SPPL2C: variants seen among roughly 807,000 people sequenced by gnomAD.
SPPL2C encodes signal peptide peptidase like 2C.
SPPL2C carries 33 observed loss-of-function variants against 38.8 expected under a neutral mutation model. That is an observed-to-expected ratio of 0.85 (90% CI 0.64 to 1.14). The LOEUF is 1.14. Ranked by LOEUF, SPPL2C falls within the 50% of genes most tolerant of loss-of-function variation. The probability of loss-of-function intolerance (pLI) is 0.00; values close to 1 mark genes in which losing one functional copy is unlikely to be tolerated. For synonymous variants in SPPL2C, 384 were observed against 390.7 expected, an observed-to-expected ratio of 0.98 and a Z score of 0.20; for missense variants, 899 against 904.4, an observed-to-expected ratio of 0.99 and a Z score of 0.08.
Position 45,846,811 on chromosome 17 carries a change from C to T in SPPL2C, c.1905C>T (p.Ile635=). 6.2e-7 allele frequency: 1 copy of T among 1,614,072 alleles called. No individual in the cohort carries two copies. Among genetic ancestry groups the T allele is most frequent in the Non-Finnish European group, 8.5e-7 (1 of 1,179,998 alleles). ...LMPLMPMAML[I]PLMPLMPPPS... is the part of the protein sequence containing the mutation. ...CACTGATGCCAATGGCCATGCTGAT[C>T]CCACTCATGCCCCTGATGCCCCCGC... The change falls in exon 1 of 1, where the codon ATC becomes ATT. Residue 635 remains isoleucine (I), a synonymous_variant. Transcript: ENST00000329196.
rs1429993625 is a variant in SPPL2C at position 45,846,257 on chromosome 17, G to T, written c.1351G>T (p.Val451Phe). Reference protein sequence around the residue: ...FSILGFGDIVVPGFLVAYCCR... With the variant: ...FSILGFGDIVFPGFLVAYCCR... The stretch of plus-strand genomic sequence containing the variant: ...CATCCTTGGCTTCGGTGACATTGTG[G>T]TCCCCGGCTTCCTGGTTGCTTACTG... Residue 451 changes from valine (V) to phenylalanine (F), a missense_variant, in exon 1 of 1, where the codon GTC (valine) becomes TTC (phenylalanine). Transcript: ENST00000329196. The T allele has an allele frequency of 6.2e-7, 1 of 1,613,996 alleles. No individual in the cohort carries two copies. Among genetic ancestry groups the T allele is most frequent in the Admixed American group, 1.7e-5 (1 of 60,002 alleles).
At position 45,846,938 on chromosome 17, in the gene SPPL2C, A is replaced by G. The variant is rs1208447455; in HGVS notation, c.2032A>G (p.Met678Val). The G allele has an allele frequency of 5.1e-6, 8 of 1,570,626 alleles. No individual in the cohort carries two copies. The highest frequency in any genetic ancestry group is 6.0e-6 in the Non-Finnish European group (7 of 1,159,806). ...KRKGLKVRKSMSTQAPL is the reference protein window; with the variant it reads ...KRKGLKVRKSVSTQAPL Reference sequence around the variant, plus strand: ...GAAGGGTTTGAAAGTAAGAAAGAGCATGTCGACCCAGGCTCCCTTGTGAAC... The same window carrying G: ...GAAGGGTTTGAAAGTAAGAAAGAGCGTGTCGACCCAGGCTCCCTTGTGAAC... The change falls in exon 1 of 1, where the codon ATG (methionine) becomes GTG (valine). Residue 678 changes from methionine to valine, a missense_variant. Transcript: ENST00000329196.
rs1446125807 is a variant in SPPL2C, at chr17:45,846,881, A to G, written c.1975A>G (p.Thr659Ala). 6.2e-7 allele frequency: 1 copy of G among 1,610,826 alleles called. No homozygotes were observed. The highest frequency in any genetic ancestry group is 2.2e-5 in the East Asian group (1 of 44,790). Residue 659 changes from threonine (T) to alanine (A), a missense_variant, in exon 1 of 1, where the codon ACT (threonine) becomes GCT (alanine). Physicochemically the swap from Thr to Ala is moderately conservative, Grantham distance 58. Transcript: ENST00000329196. ...HVHAQAQAHETGLPWAGLHKR... is the reference protein window; with the variant it reads ...HVHAQAQAHEAGLPWAGLHKR... Reference sequence around the variant, plus strand: ...CCATGCCCAGGCCCAGGCCCACGAGACTGGCCTGCCCTGGGCGGGACTCCA... The same window carrying G: ...CCATGCCCAGGCCCAGGCCCACGAGGCTGGCCTGCCCTGGGCGGGACTCCA...
rs747212698 is a variant in SPPL2C, at chr17:45,845,228, TGGCTGGCTCAG to T, written c.326_336del (p.Leu109ProfsTer14). ...TAACTGCAGCTTCCACACGAAAGGC[TGGCTGGCTCAG>T]GGCCAAGGTGCCCACGGGCTGCTCA... is the stretch of plus-strand genomic sequence containing the variant. On this transcript the variant is annotated frameshift_variant, in exon 1 of 1. Coordinates refer to ENST00000329196, the MANE Select transcript of SPPL2C (RefSeq NM_175882.3). LOFTEE classifies it high-confidence loss of function. The T allele has an allele frequency of 3.1e-6, 5 of 1,613,832 alleles. No homozygotes were observed. The South Asian group carries it at 4.4e-5, about 14-fold the overall frequency.
Position 45,845,920 on chromosome 17 carries a change from G to T in SPPL2C, c.1014G>T (p.Trp338Cys). The change falls in exon 1 of 1, where the codon TGG becomes TGT. Residue 338 changes from tryptophan (W) to cysteine (C), a missense_variant. Coordinates refer to ENST00000329196, the MANE Select transcript of SPPL2C (RefSeq NM_175882.3). Reference protein sequence around the residue: ...ASLCATVIIFWVAYRNEDRWA... With the variant: ...ASLCATVIIFCVAYRNEDRWA... Reference sequence around the variant, plus strand: ...TGTGCGCAACCGTGATCATCTTCTGGGTGGCCTACCGCAATGAGGACCGCT... The same window carrying T: ...TGTGCGCAACCGTGATCATCTTCTGTGTGGCCTACCGCAATGAGGACCGCT... 1 of 1,607,944 alleles carries T rather than the reference G, an allele frequency of 6.2e-7. No individual in the cohort carries two copies. The highest frequency in any genetic ancestry group is 8.5e-7 in the Non-Finnish European group (1 of 1,179,996).
chr17:45,845,977 T>C lies in SPPL2C; in HGVS notation c.1071T>C (p.Ile357=), dbSNP rs376789321. ...WAWLLQDTLG[I]SYCLFVLHRV... ...GGCTCCTGCAGGACACACTGGGCAT[T>C]TCCTACTGCCTGTTCGTCCTGCACC... Residue 357 remains isoleucine, a synonymous_variant, in exon 1 of 1, where the codon ATT becomes ATC. Coordinates refer to ENST00000329196, the MANE Select transcript of SPPL2C (RefSeq NM_175882.3). The C allele has an allele frequency of 1.1e-5, 17 of 1,612,276 alleles. No individual in the cohort carries two copies. The African/African-American group carries it at 1.1e-4, about 10-fold the overall frequency.
In SPPL2C at chr17:45,846,450, T is replaced by A; in HGVS notation, c.1544T>A (p.Val515Glu). The A allele has an allele frequency of 1.2e-6, 2 of 1,612,942 alleles. No individual in the cohort carries two copies. The highest frequency in any genetic ancestry group is 1.7e-6 in the Non-Finnish European group (2 of 1,180,024). ...AGCACCCTGCTCACCAGCCTGGCTG[T>A]GGCTGCCTGCCGCCAAGAGCTCAGC... ...VSSTLLTSLA[V>E]AACRQELSLF... Residue 515 changes from valine (V) to glutamate (E), a missense_variant, in exon 1 of 1, where the codon GTG (valine) becomes GAG (glutamate). Physicochemically the swap from Val to Glu is moderately radical, Grantham distance 121. Coordinates refer to ENST00000329196, the MANE Select transcript of SPPL2C (RefSeq NM_175882.3).
chr17:45,845,422 C>T lies in SPPL2C; in HGVS notation c.516C>T (p.Arg172=), dbSNP rs113793057. Residue 172 remains arginine, a synonymous_variant, in exon 1 of 1, where the codon CGC becomes CGT. Coordinates refer to ENST00000329196, the MANE Select transcript of SPPL2C (RefSeq NM_175882.3). ...LSHTRGEAVV[R]VAMYAPPEPI... ...ACACTCGTGGGGAGGCCGTCGTCCG[C>T]GTGGCCATGTACGCACCCCCAGAGC... 2.6e-4 allele frequency: 423 copies of T among 1,612,764 alleles called. No homozygotes were observed. The African/African-American group carries it at 3.5e-3, about 13-fold the overall frequency.
At position 45,846,743 on chromosome 17, in the gene SPPL2C, GA is replaced by G; in HGVS notation, c.1838del (p.Glu613GlyfsTer13). 1 of 1,614,202 alleles carries G rather than the reference GA, an allele frequency of 6.2e-7. No individual in the cohort carries two copies. Among genetic ancestry groups the G allele is most frequent in the Non-Finnish European group, 8.5e-7 (1 of 1,180,044 alleles). On this transcript the variant is annotated frameshift_variant, in exon 1 of 1. Transcript: ENST00000329196. LOFTEE classifies it high-confidence loss of function. ...GWSDAHLDPN[E>X]LPFIPPGASE... ...GAGTGACGCCCACTTGGATCCTAATGAGCTGCCCTTCATCCCCCCTGGGGCC... is the reference window on the plus strand; with the variant it reads ...GAGTGACGCCCACTTGGATCCTAATGGCTGCCCTTCATCCCCCCTGGGGCC...
rs1427242937 is a variant in SPPL2C at position 45,846,486 on chromosome 17, CT to C, written c.1581del (p.Gly528AlafsTer45). On this transcript the variant is annotated frameshift_variant, in exon 1 of 1. Transcript: ENST00000329196. LOFTEE classifies it high-confidence loss of function. ...ACRQELSLFW[T>X]GQGRAKMCGL... ...CGCCAAGAGCTCAGCCTCTTCTGGACTGGCCAGGGCAGAGCTAAGATGTGTG... is the reference window on the plus strand; with the variant it reads ...CGCCAAGAGCTCAGCCTCTTCTGGACGGCCAGGGCAGAGCTAAGATGTGTG... The C allele has an allele frequency of 7.4e-6, 12 of 1,612,778 alleles. No homozygotes were observed. The highest frequency in any genetic ancestry group is 1.0e-5 in the Non-Finnish European group (12 of 1,180,046).
chr17:45,845,106 C>A lies in SPPL2C; in HGVS notation c.200C>A (p.Ala67Glu). 6.2e-7 allele frequency: 1 copy of A among 1,613,142 alleles called. No individual in the cohort carries two copies. Among genetic ancestry groups the A allele is most frequent in the South Asian group, 1.1e-5 (1 of 91,048 alleles). The change falls in exon 1 of 1, where the codon GCA becomes GAA. Residue 67 changes from alanine to glutamate, a missense_variant. Ala to Glu is a moderately radical substitution (Grantham distance 107). Coordinates refer to ENST00000329196, the MANE Select transcript of SPPL2C (RefSeq NM_175882.3). ...PLLPLYDGTK[A>E]PWCPGEDSPH... is the part of the protein sequence containing the mutation. ...CTGCCCCTGTATGATGGCACCAAGG[C>A]ACCCTGGTGCCCGGGTGAGGATTCC...
In SPPL2C at chr17:45,844,886, T is replaced by C. The variant is rs1368346147; in HGVS notation, c.-21T>C. The C allele has an allele frequency of 6.3e-7, 1 of 1,579,894 alleles. No individual in the cohort carries two copies. The highest frequency in any genetic ancestry group is 1.7e-5 in the Admixed American group (1 of 58,334). Reference sequence around the variant, plus strand: ...GGTATTGGGCTGCCGCCCGCAGATGTTGCAGTAGGAACTGAAGAAGATGGC... The same window carrying C: ...GGTATTGGGCTGCCGCCCGCAGATGCTGCAGTAGGAACTGAAGAAGATGGC... On this transcript the variant is annotated 5_prime_UTR_variant, in exon 1 of 1. Transcript: ENST00000329196.
In SPPL2C at chr17:45,846,025, G is replaced by T. The variant is rs773087259; in HGVS notation, c.1119G>T (p.Lys373Asn). 2 of 1,614,044 alleles carry T rather than the reference G, an allele frequency of 1.2e-6. No homozygotes were observed. Among genetic ancestry groups the T allele is most frequent in the Non-Finnish European group, 1.7e-6 (2 of 1,180,028 alleles). Residue 373 changes from lysine (K) to asparagine (N), a missense_variant, in exon 1 of 1, where the codon AAG becomes AAT. By Grantham distance (94) the Lys-to-Asn change is moderately conservative. Transcript: ENST00000329196. ...VLHRVRLPTL[K>N]NCSSFLLALL... is the part of the protein sequence containing the mutation. Reference sequence around the variant, plus strand: ...ACCGTGTGCGGCTGCCCACTCTCAAGAACTGCTCCTCCTTCCTGCTGGCCC... The same window carrying T: ...ACCGTGTGCGGCTGCCCACTCTCAATAACTGCTCCTCCTTCCTGCTGGCCC...
At position 45,845,218 on chromosome 17, in the gene SPPL2C, C is replaced by T. The variant is rs750366373; in HGVS notation, c.312C>T (p.His104=). ...TCATGAGGGGTAACTGCAGCTTCCA[C>T]ACGAAAGGCTGGCTGGCTCAGGGCC... ...AMVMRGNCSF[H]TKGWLAQGQG... The change falls in exon 1 of 1, where the codon CAC becomes CAT. Residue 104 remains histidine (H), a synonymous_variant. Transcript: ENST00000329196. 1 of 1,613,910 alleles carries T rather than the reference C, an allele frequency of 6.2e-7. No homozygotes were observed. The highest frequency in any genetic ancestry group is 8.5e-7 in the Non-Finnish European group (1 of 1,179,906).
rs776072847 is a variant in SPPL2C, at chr17:45,845,661, C to T, written c.755C>T (p.Thr252Met). The change falls in exon 1 of 1, where the codon ACG becomes ATG. Residue 252 changes from threonine (T) to methionine (M), a missense_variant. Coordinates refer to ENST00000329196, the MANE Select transcript of SPPL2C (RefSeq NM_175882.3). ...AATGAGGACATCCCAGTGGACTTCACGCCGGCCATGACAGGCGTGGTGGTC... is the reference window on the plus strand; with the variant it reads ...AATGAGGACATCCCAGTGGACTTCATGCCGGCCATGACAGGCGTGGTGGTC... The part of the protein sequence containing the change: ...EDNEDIPVDF[T>M]PAMTGVVVTL... The T allele has an allele frequency of 1.7e-5, 28 of 1,613,662 alleles. No homozygotes were observed. Among genetic ancestry groups the T allele is most frequent in the Non-Finnish European group, 2.1e-5 (25 of 1,180,026 alleles).
rs138999814 is a variant in SPPL2C at position 45,846,244 on chromosome 17, C to T, written c.1338C>T (p.Phe446=). The T allele has an allele frequency of 7.9e-5, 127 of 1,614,192 alleles. No individual in the cohort carries two copies. In the African/African-American group the frequency reaches 1.0e-3, roughly 13 times the overall value. ...LCSQPFSILG[F]GDIVVPGFLV... is the part of the protein sequence containing the mutation. ...GCCAGCCCTTCTCCATCCTTGGCTT[C>T]GGTGACATTGTGGTCCCCGGCTTCC... is the stretch of plus-strand genomic sequence containing the variant. The change falls in exon 1 of 1, where the codon TTC becomes TTT. Residue 446 remains phenylalanine (F), a synonymous_variant. Transcript: ENST00000329196.
rs1250765255 is a variant in SPPL2C, at chr17:45,845,525, C to T, written c.619C>T (p.Leu207=). 3 of 1,600,910 alleles carry T rather than the reference C, an allele frequency of 1.9e-6. No individual in the cohort carries two copies. Among genetic ancestry groups the T allele is most frequent in the Non-Finnish European group, 2.6e-6 (3 of 1,175,272 alleles). Reference sequence around the variant, plus strand: ...GGCTGCAGGCGGCTACTGGGCCGGCCTGACCGAAGCCAACCGGCTACAGCG... The same window carrying T: ...GGCTGCAGGCGGCTACTGGGCCGGCTTGACCGAAGCCAACCGGCTACAGCG... ...TVAAGGYWAG[L]TEANRLQRRR... Residue 207 remains leucine (L), a synonymous_variant, in exon 1 of 1, where the codon CTG becomes TTG. Coordinates refer to ENST00000329196, the MANE Select transcript of SPPL2C (RefSeq NM_175882.3).
Position 45,844,943 on chromosome 17 carries a change from C to T in SPPL2C, c.37C>T (p.Leu13Phe). ...GGGCTTCCTCCTCCCCGTGGGCTTC[C>T]TCCTCCTCATCAGCACCGTGGCCGG... ...CLGFLLPVGF[L>F]LLISTVAGGK... Residue 13 changes from leucine to phenylalanine, a missense_variant, in exon 1 of 1, where the codon CTC becomes TTC. Coordinates refer to ENST00000329196, the MANE Select transcript of SPPL2C (RefSeq NM_175882.3). 2 of 1,612,420 alleles carry T rather than the reference C, an allele frequency of 1.2e-6. No homozygotes were observed. Among genetic ancestry groups the T allele is most frequent in the Non-Finnish European group, 1.7e-6 (2 of 1,178,764 alleles).
chr17:45,845,044 C>T lies in SPPL2C; in HGVS notation c.138C>T (p.Tyr46=). The change falls in exon 1 of 1, where the codon TAC becomes TAT. Residue 46 remains tyrosine (Y), a synonymous_variant. Transcript: ENST00000329196. ...KDYCILFSSD[Y]ITLPRDLHHA... is the part of the protein sequence containing the mutation. ...ACTGTATCCTGTTCAGCTCCGACTA[C>T]ATCACCCTCCCCCGGGACCTGCACC... 3.1e-6 allele frequency: 5 copies of T among 1,614,110 alleles called. No individual in the cohort carries two copies. The highest frequency in any genetic ancestry group is 1.1e-5 in the South Asian group (1 of 91,066).
Sources: allele counts gnomAD v4.1 joint callset, GRCh38; gene constraint gnomAD v4.1.1; transcripts MANE v1.5; gene names NCBI Gene and HGNC (gene_info 2026-07-23, HGNC 2026-07-21).